CCDC69: variants seen among roughly 807,000 people sequenced by gnomAD.
The protein encoded by CCDC69 is coiled-coil domain containing 69.
In CCDC69, 38 loss-of-function variants were observed where a neutral mutation model predicts 40.3. The ratio of observed to expected loss-of-function variants is 0.94; its 90% CI spans 0.73 to 1.24. CCDC69 has a LOEUF of 1.24. Among genes scored for constraint, CCDC69 ranks in the 50% most tolerant of loss-of-function variants. CCDC69 has a pLI of 0.00. For missense variants in CCDC69, 389 were observed against 357.9 expected (o/e 1.09, Z -0.70); for synonymous variants, 141 against 138.9 (o/e 1.02, Z -0.11).
At chr5:151,205,508 T>C (rs180686910) in intron 1 of CCDC69, 33 bp from the exon 2 acceptor site, 2 of 1,597,670 alleles carry the variant, frequency 1.3e-6, no homozygotes, top group East Asian at 2.2e-5. Context: ...AAGGCGTGGG[T>C]AGAGGGTGGG....
At chr5:151,199,185 CCTAA>C in intron 3 of CCDC69, 101 bp from the exon 4 acceptor site, 2 of 887,524 alleles carry the variant, frequency 2.3e-6, no homozygotes, top group Non-Finnish European at 3.7e-6. Flanking sequence ...TGACCAGAGT[CCTAA>C]CCCTTCCTCT....
rs1766635077 is a variant in CCDC69 at position 151,181,837 on chromosome 5, C to T, written c.*1600G>A. ...CACATGTGATTCCCTCCAGGGCTTT[C>T]CTCGAGGCTCCTGGGTGACCTGTCT... On this transcript the variant is annotated 3_prime_UTR_variant, in exon 9 of 9. Transcript: ENST00000355417. 6.6e-6 allele frequency: 1 copy of T among 152,198 alleles called. No homozygotes were observed. Among genetic ancestry groups the T allele is most frequent in the Non-Finnish European group, 1.5e-5 (1 of 68,048 alleles). The allele number at this position is 152,198 out of a possible 1,614,324, so 9.4% of individuals were successfully genotyped here. A position where few individuals can be genotyped will look rare whatever the true frequency, so the allele number is the denominator to read the frequency against.
chr5:151,216,406 ATTTTTTTT>A lies in CCDC69; in HGVS notation c.48+7509_48+7516del, dbSNP rs1262419326. Reference sequence around the variant, plus strand: ...TTTACATTTTACCTAAATTATTAGGATTTTTTTTTTTTTTTTTTTTTTTTGAGACTGAG... The same window carrying A: ...TTTACATTTTACCTAAATTATTAGGATTTTTTTTTTTTTTTTGAGACTGAG... On this transcript the variant is annotated intron_variant, in intron 1 of 8. Coordinates refer to ENST00000355417, the MANE Select transcript of CCDC69 (RefSeq NM_015621.3). 2.0e-3 allele frequency among the ~76,000 whole-genome samples: 227 copies of A among 116,306 alleles called. 1 individual carries two copies. Among genetic ancestry groups the A allele is most frequent in the African/African-American group, 7.1e-3 (206 of 29,008 alleles). 76.3% of individuals were successfully genotyped at this position (116,306 alleles called of 152,430 possible).
intron 4 of CCDC69, 123 bp downstream of exon 4, chr5:151,198,874 T>C: frequency 1.3e-6 from 1 of 753,284 alleles, no homozygotes; most frequent in African/African-American, 1.7e-5. Flanking sequence ...TAGATTTGAG[T>C]CAATTGCTTG....
At position 151,186,264 on chromosome 5, in the gene CCDC69, C is replaced by G; in HGVS notation, c.394-140G>C. 1.1e-5 allele frequency: 7 copies of G among 663,956 alleles called. No individual in the cohort carries two copies. The East Asian group carries it at 1.3e-4, about 13-fold the overall frequency. 41.1% of individuals were successfully genotyped at this position (663,956 alleles called of 1,614,324 possible). On this transcript the variant is annotated intron_variant, in intron 5 of 8. Transcript: ENST00000355417. ...ACTCTACATGACAATGCAACATCAA[C>G]ATACTTCGACCACTGCTTGAGATCT... is the stretch of plus-strand genomic sequence containing the variant.
chr5:151,198,179 T>G (rs1292585848), intron 4 of CCDC69, among the ~76,000 whole-genome samples: 1 of 152,312 alleles, frequency 6.6e-6, no homozygotes, highest in African/African-American at 2.4e-5. Context: ...AATTGTTTAA[T>G]TCTTACAAAC....
chr5:151,183,504 G>T lies in CCDC69; in HGVS notation c.824C>A (p.Ala275Asp). The T allele has an allele frequency of 6.2e-7, 1 of 1,608,142 alleles. No individual in the cohort carries two copies. Residue 275 changes from alanine to aspartate, a missense_variant, in exon 9 of 9, where the codon GCC becomes GAC. Transcript: ENST00000355417. Reference protein sequence around the residue: ...KEELLYRVLGANASPAFPLAP... With the variant: ...KEELLYRVLGDNASPAFPLAP... ...CAGAGGGAAGGCAGGCGAGGCATTG[G>T]CCCCAAGGACCCGGTACAACAGCTC...
At chr5:151,183,677 T>G in intron 8 of CCDC69, 63 bp from the exon 9 acceptor site, 2 of 1,445,214 alleles carry the variant, frequency 1.4e-6, no homozygotes, top group Non-Finnish European at 1.9e-6. Context: ...GACCAACCCA[T>G]TCCCCCAGGA....
intron 1 of CCDC69, among the ~76,000 whole-genome samples, chr5:151,221,118 C>T (rs554003463): frequency 1.3e-5 from 2 of 152,256 alleles, no homozygotes; most frequent in East Asian, 3.9e-4. Context: ...CAGGCCAGGC[C>T]TCTCAGGGTG....
intron 1 of CCDC69, among the ~76,000 whole-genome samples, chr5:151,206,397 C>T (rs1561603029): frequency 6.6e-6 from 1 of 152,098 alleles, no homozygotes; most frequent in Non-Finnish European, 1.5e-5. Flanking sequence ...AAACTATTGA[C>T]CATTGGTGAT....
chr5:151,193,262 C>A (rs535767630), intron 4 of CCDC69, among the ~76,000 whole-genome samples: 2 of 150,660 alleles, frequency 1.3e-5, no homozygotes, highest in Non-Finnish European at 2.9e-5. Context: ...ACCTGCAATC[C>A]CAGCACTTTG....
At chr5:151,215,116 G>GT (rs1452122295) in intron 1 of CCDC69, among the ~76,000 whole-genome samples, 1 of 152,194 alleles carries the variant, frequency 6.6e-6, no homozygotes, top group East Asian at 1.9e-4. Context: ...ACAGAAAATG[G>GT]TGTCAGTAGC....
chr5:151,222,328 T>C (rs1753145744), intron 1 of CCDC69, among the ~76,000 whole-genome samples: 1 of 152,242 alleles, frequency 6.6e-6, no homozygotes, highest in Non-Finnish European at 1.5e-5. Flanking sequence ...GAACAGCTGG[T>C]AAGTCTCTCA....
chr5:151,206,974 G>T (rs1752861502), intron 1 of CCDC69, among the ~76,000 whole-genome samples: 1 of 151,810 alleles, frequency 6.6e-6, no homozygotes, highest in African/African-American at 2.4e-5. Context: ...TGCCCAGGCT[G>T]GAGTGCAATT....
chr5:151,191,048 G>A (rs907353825), intron 4 of CCDC69, among the ~76,000 whole-genome samples: 3 of 151,738 alleles, frequency 2.0e-5, no homozygotes, highest in Non-Finnish European at 2.9e-5. Flanking sequence ...TACTATACCC[G>A]TGTAACAAAC....
rs1013114242 is a variant in CCDC69, at chr5:151,181,943, T to A, written c.*1494A>T. 1 of 152,242 alleles carries A rather than the reference T, an allele frequency of 6.6e-6. No homozygotes were observed. Among genetic ancestry groups the A allele is most frequent in the Admixed American group, 6.6e-5 (1 of 15,260 alleles). 9.4% of individuals were successfully genotyped at this position (152,242 alleles called of 1,614,324 possible). Reference sequence around the variant, plus strand: ...TGGCTGTGGAAATGGAGAAACACAGTCACCTCTGAACTTCTAAACCTAGAA... The same window carrying A: ...TGGCTGTGGAAATGGAGAAACACAGACACCTCTGAACTTCTAAACCTAGAA... On this transcript the variant is annotated 3_prime_UTR_variant, in exon 9 of 9. Transcript: ENST00000355417.
chr5:151,198,827 G>C, intron 4 of CCDC69, 170 bp downstream of exon 4: 1 of 554,228 alleles, frequency 1.8e-6, no homozygotes, highest in Non-Finnish European at 3.3e-6. Flanking sequence ...ATGCCCCAAA[G>C]GAAAAGTCCA....
chr5:151,205,512 G>C, intron 1 of CCDC69, 37 bp from the exon 2 acceptor site: 1 of 1,582,548 alleles, frequency 6.3e-7, no homozygotes, highest in Non-Finnish European at 8.7e-7. Flanking sequence ...CGTGGGTAGA[G>C]GGTGGGAGGT....
At chr5:151,204,449 G>A (rs1028352146) in intron 2 of CCDC69, among the ~76,000 whole-genome samples, 1 of 152,218 alleles carries the variant, frequency 6.6e-6, no homozygotes, top group East Asian at 1.9e-4. Context: ...AACACGTTCA[G>A]AGATAGGGAG....
Sources: gnomAD v4.1 joint callset for allele counts (sites outside exome capture counted in the v4.1 genomes callset) on GRCh38, gnomAD v4.1.1 for gene constraint, MANE v1.5 for transcripts, NCBI Gene and HGNC (gene_info 2026-07-23, HGNC 2026-07-21) for gene names.